Variants in AQP4 observed in about 807,000 individuals in gnomAD.
AQP4 encodes the protein aquaporin 4.
Under a neutral mutation model 27.8 loss-of-function variants are expected in AQP4, and 18 were observed. The observed-to-expected ratio is 0.65, with a 90% CI of 0.45 to 0.96. The LOEUF (loss-of-function observed/expected upper bound fraction) is 0.96. Among genes scored for constraint, AQP4 ranks in the 40% least tolerant of loss-of-function variants. AQP4 has a pLI of 0.00. For synonymous variants in AQP4, 141 were observed against 142.9 expected (o/e 0.99, Z 0.10); for missense variants, 412 against 408.2 (o/e 1.01, Z -0.08).
At position 26,860,872 on chromosome 18, in the gene AQP4, A is replaced by C. The variant is rs1423698139; in HGVS notation, c.613-20T>G. ...ATTGATCTATAGGAAACAAGAAAAC[A>C]ACTTCAGACATTGCTGAAACAGGGC... On this transcript the variant is annotated intron_variant, in intron 3 of 4. Coordinates refer to ENST00000383168, the MANE Select transcript of AQP4 (RefSeq NM_001650.7). The C allele has an allele frequency of 6.2e-7, 1 of 1,607,828 alleles. No individual in the cohort carries two copies. The highest frequency in any genetic ancestry group is 1.1e-5 in the South Asian group (1 of 90,956).
Position 26,853,185 on chromosome 18 carries a change from G to A in AQP4, c.*3026C>T. The A allele has an allele frequency of 3.2e-6, 1 of 309,778 alleles. No homozygotes were observed. Among genetic ancestry groups the A allele is most frequent in the Non-Finnish European group, 5.9e-6 (1 of 170,438 alleles). The allele number at this position is 309,778 out of a possible 1,614,324, so 19.2% of individuals were successfully genotyped here. ...CAGCAGCTCTAGCTAGCACCTATGA[G>A]CTGCATTAGGAAAAGGCTCAGATAA... is the stretch of plus-strand genomic sequence containing the variant. On this transcript the variant is annotated 3_prime_UTR_variant, in exon 5 of 5. Coordinates refer to ENST00000383168, the MANE Select transcript of AQP4 (RefSeq NM_001650.7).
In AQP4 at chr18:26,861,217, C is replaced by T. The variant is rs925043159; in HGVS notation, c.526G>A (p.Ala176Thr). 2 of 1,613,888 alleles carry T rather than the reference C, an allele frequency of 1.2e-6. No homozygotes were observed. Among genetic ancestry groups the T allele is most frequent in the African/African-American group, 2.7e-5 (2 of 74,864 alleles). ...ITFQLVFTIF[A>T]SCDSKRTDVT... ...TCAGTCCGTTTGGAATCACAGCTGGCAAAGATAGTAAACACCAATTGAAAT... is the reference window on the plus strand; with the variant it reads ...TCAGTCCGTTTGGAATCACAGCTGGTAAAGATAGTAAACACCAATTGAAAT... Residue 176 changes from alanine to threonine, a missense_variant, in exon 3 of 5, where the codon GCC (alanine) becomes ACC (threonine). Physicochemically the swap from Ala to Thr is moderately conservative, Grantham distance 58 (BLOSUM62 0). Coordinates refer to ENST00000383168, the MANE Select transcript of AQP4 (RefSeq NM_001650.7).
At position 26,861,086 on chromosome 18, in the gene AQP4, A is replaced by G. The variant is rs116466184; in HGVS notation, c.612+45T>C. 4.5e-3 allele frequency: 7,191 copies of G among 1,605,680 alleles called. 271 individuals are homozygous for G. In the African/African-American group the frequency reaches 0.084, roughly 19 times the overall value. On this transcript the variant is annotated intron_variant, in intron 3 of 4. Transcript: ENST00000383168. ...CATCTTCAGGCCAGCTAGAGTGAGG[A>G]TAAATGAGGTGGGATTGATTATTTA...
intron 4 of AQP4, among the ~76,000 whole-genome samples, chr18:26,857,641 A>G (rs953647101): frequency 6.6e-6 from 1 of 152,044 alleles, no homozygotes; most frequent in African/African-American, 2.4e-5. Flanking sequence ...TTATTATTAC[A>G]TATTAGCTAT....
chr18:26,852,071 T>C lies in AQP4; in HGVS notation c.*4140A>G, dbSNP rs965339478. 6.6e-6 allele frequency: 1 copy of C among 152,228 alleles called. No homozygotes were observed. Among genetic ancestry groups the C allele is most frequent in the Admixed American group, 6.5e-5 (1 of 15,280 alleles). The allele number at this position is 152,228 out of a possible 1,614,324, so 9.4% of individuals were successfully genotyped here. ...ACCTTTTAAAACATCCAAATGTTTA[T>C]TTTCACAAGCTTAGTAGTACAAGAT... On this transcript the variant is annotated 3_prime_UTR_variant, in exon 5 of 5. Coordinates refer to ENST00000383168, the MANE Select transcript of AQP4 (RefSeq NM_001650.7).
chr18:26,852,936 A>C lies in AQP4; in HGVS notation c.*3275T>G. The C allele has an allele frequency of 2.5e-6, 1 of 398,460 alleles. No homozygotes were observed. Among genetic ancestry groups the C allele is most frequent in the Non-Finnish European group, 4.4e-6 (1 of 225,942 alleles). The allele number at this position is 398,460 out of a possible 1,614,324, so 24.7% of individuals were successfully genotyped here. A position where few individuals can be genotyped will look rare whatever the true frequency, so the allele number is the denominator to read the frequency against. ...AGGTTGGTGTCAACATGCTGCAATCAGAGGCCTTCTAGGATTCATCTTACC... is the reference window on the plus strand; with the variant it reads ...AGGTTGGTGTCAACATGCTGCAATCCGAGGCCTTCTAGGATTCATCTTACC... On this transcript the variant is annotated 3_prime_UTR_variant, in exon 5 of 5. Transcript: ENST00000383168.
intron 1 of AQP4, chr18:26,865,290 T>G (rs1033228276): frequency 5.4e-6 from 2 of 367,466 alleles, no homozygotes; most frequent in African/African-American, 4.2e-5. Context: ...TTTGTTGATG[T>G]ACTGAATCGG....
intron 1 of AQP4, 133 bp downstream of exon 1, chr18:26,865,525 C>G: frequency 8.8e-7 from 1 of 1,137,626 alleles, no homozygotes; most frequent in Non-Finnish European, 1.3e-6. Flanking sequence ...GTACTCAGAT[C>G]TAAAAGAACC....
At chr18:26,861,807 T>C (rs540943939) in intron 2 of AQP4, among the ~76,000 whole-genome samples, 2 of 152,290 alleles carry the variant, frequency 1.3e-5, no homozygotes, top group South Asian at 2.1e-4. Flanking sequence ...TTTATGTAGA[T>C]CATTGTACAT....
At position 26,853,064 on chromosome 18, in the gene AQP4, C is replaced by T. The variant is rs989048333; in HGVS notation, c.*3147G>A. The stretch of plus-strand genomic sequence containing the variant: ...TGGTCTGAGAACAGTATTCTGTGCT[C>T]TTTGGAATCAGATCTCTGATAAATC... On this transcript the variant is annotated 3_prime_UTR_variant, in exon 5 of 5. Coordinates refer to ENST00000383168, the MANE Select transcript of AQP4 (RefSeq NM_001650.7). The T allele has an allele frequency of 2.5e-6, 1 of 395,540 alleles. No homozygotes were observed. Among genetic ancestry groups the T allele is most frequent in the African/African-American group, 2.1e-5 (1 of 48,582 alleles). 24.5% of individuals were successfully genotyped at this position (395,540 alleles called of 1,614,324 possible).
chr18:26,863,304 C>G (rs922522476), intron 1 of AQP4: 1 of 152,884 alleles, frequency 6.5e-6, no homozygotes, highest in Non-Finnish European at 1.5e-5. Flanking sequence ...GACACGCGCA[C>G]CGCCCAGATC....
rs1195431108 is a variant in AQP4, at chr18:26,854,262, G to A, written c.*1949C>T. 3.3e-5 allele frequency: 5 copies of A among 152,134 alleles called. No homozygotes were observed. The highest frequency in any genetic ancestry group is 3.2e-3 in the Middle Eastern group (1 of 316). The allele number at this position is 152,134 out of a possible 1,614,324, so 9.4% of individuals were successfully genotyped here. A position where few individuals can be genotyped will look rare whatever the true frequency, so the allele number is the denominator to read the frequency against. On this transcript the variant is annotated 3_prime_UTR_variant, in exon 5 of 5. Transcript: ENST00000383168. ...TCTGCTTAACACTTCCTTGTTAACC[G>A]AACTTATTTTTAAACTGACATGTTT...
chr18:26,856,206 T>G lies in AQP4; in HGVS notation c.*5A>C, dbSNP rs2054837656. On this transcript the variant is annotated 3_prime_UTR_variant, in exon 5 of 5. Transcript: ENST00000383168. ...GTCTTGTCTGCTTTCAGTGCGATCT[T>G]CTAGTCATACTGAAGACAATACCTC... 2 of 1,614,062 alleles carry G rather than the reference T, an allele frequency of 1.2e-6. No homozygotes were observed. Among genetic ancestry groups the G allele is most frequent in the African/African-American group, 1.3e-5 (1 of 74,930 alleles).
At position 26,852,896 on chromosome 18, in the gene AQP4, A is replaced by C; in HGVS notation, c.*3315T>G. ...TGCCACAAAGGCAAATTCTCTGTGA[A>C]TTGTTCGTAACGTGAGGTTGGTGTC... On this transcript the variant is annotated 3_prime_UTR_variant, in exon 5 of 5. Transcript: ENST00000383168. 1 of 398,518 alleles carries C rather than the reference A, an allele frequency of 2.5e-6. No homozygotes were observed. The highest frequency in any genetic ancestry group is 1.3e-4 in the South Asian group (1 of 7,858). 24.7% of individuals were successfully genotyped at this position (398,518 alleles called of 1,614,324 possible).
intron 4 of AQP4, among the ~76,000 whole-genome samples, chr18:26,858,831 A>G (rs1378241083): frequency 6.6e-6 from 1 of 152,254 alleles, no homozygotes; most frequent in Non-Finnish European, 1.5e-5. Flanking sequence ...TAAAGTAAAG[A>G]ATCTTTATTG....
chr18:26,854,798 TTGTC>T lies in AQP4; in HGVS notation c.*1409_*1412del, dbSNP rs1412326425. On this transcript the variant is annotated 3_prime_UTR_variant, in exon 5 of 5. Coordinates refer to ENST00000383168, the MANE Select transcript of AQP4 (RefSeq NM_001650.7). ...TAGTGAAATTGACATTTGCACTTCT[TTGTC>T]TAAGTTAACGGCTAGACTAGACAGT... is the stretch of plus-strand genomic sequence containing the variant. 6.6e-6 allele frequency: 1 copy of T among 152,260 alleles called. No individual in the cohort carries two copies. The highest frequency in any genetic ancestry group is 1.5e-5 in the Non-Finnish European group (1 of 68,036). The allele number at this position is 152,260 out of a possible 1,614,324, so 9.4% of individuals were successfully genotyped here.
At chr18:26,863,583 C>T (rs1193390383) in intron 1 of AQP4, among the ~76,000 whole-genome samples, 2 of 152,152 alleles carry the variant, frequency 1.3e-5, no homozygotes, top group African/African-American at 4.8e-5. Flanking sequence ...CACCCCTTGA[C>T]CCTGACCGTA....
rs867059465 is a variant in AQP4 at position 26,862,497 on chromosome 18, G to A, written c.132C>T (p.Ala44=). Residue 44 remains alanine (A), a synonymous_variant, in exon 2 of 5, where the codon GCC becomes GCT. Transcript: ENST00000383168. ...GGCTGAGGAGAACAAAAATAAGCAT[G>A]GCCAGAAATTCCGCTGTGACTGCTT... The part of the protein sequence containing the change: ...FWKAVTAEFL[A]MLIFVLLSLG... 6.2e-7 allele frequency: 1 copy of A among 1,614,184 alleles called. No homozygotes were observed. Among genetic ancestry groups the A allele is most frequent in the Non-Finnish European group, 8.5e-7 (1 of 1,180,036 alleles).
rs1248139042 is a variant in AQP4, at chr18:26,853,603, T to C, written c.*2608A>G. 6.5e-6 allele frequency: 1 copy of C among 152,700 alleles called. No individual in the cohort carries two copies. Among genetic ancestry groups the C allele is most frequent in the East Asian group, 1.9e-4 (1 of 5,182 alleles). 9.5% of individuals were successfully genotyped at this position (152,700 alleles called of 1,614,324 possible). On this transcript the variant is annotated 3_prime_UTR_variant, in exon 5 of 5. Coordinates refer to ENST00000383168, the MANE Select transcript of AQP4 (RefSeq NM_001650.7). ...CTCTCTGATCTCTTCTCTGTGTATC[T>C]GTCAGCAGTGGTCTCCTGGGAGCAG...
Sources: gnomAD v4.1 joint callset for allele counts (sites outside exome capture counted in the v4.1 genomes callset) on GRCh38, gnomAD v4.1.1 for gene constraint, MANE v1.5 for transcripts, NCBI Gene and HGNC (gene_info 2026-07-23, HGNC 2026-07-21) for gene names.